The following PRKCQ variants were observed in gnomAD, a reference collection of about 807,000 sequenced individuals.
The protein encoded by PRKCQ is protein kinase C theta type.
Under a neutral mutation model 91.2 loss-of-function variants are expected in PRKCQ, and 41 were observed. The observed-to-expected ratio is 0.45, with a 90% CI of 0.35 to 0.58. The LOEUF (loss-of-function observed/expected upper bound fraction) is 0.58. Ranked by LOEUF, PRKCQ falls within the 20% of genes least tolerant of loss-of-function variation. PRKCQ has a pLI of 0.00. For missense variants in PRKCQ, 673 were observed against 896.5 expected (o/e 0.75, Z 3.18); for synonymous variants, 307 against 316.9 (o/e 0.97, Z 0.33).
chr10:6,474,504 A>G (rs889342383), intron 12 of PRKCQ, among the ~76,000 whole-genome samples: 2 of 152,250 alleles, frequency 1.3e-5, no homozygotes, highest in African/African-American at 4.8e-5. Context: ...AAGAAATAGC[A>G]TCCTTACTGT....
At chr10:6,482,197 C>A (rs1440104010) in intron 11 of PRKCQ, among the ~76,000 whole-genome samples, 1 of 152,116 alleles carries the variant, frequency 6.6e-6, no homozygotes, top group Non-Finnish European at 1.5e-5. Context: ...ATCCCCAGGA[C>A]CTTGGAAAGT....
chr10:6,566,499 T>A (rs1840841082), intron 1 of PRKCQ, among the ~76,000 whole-genome samples: 1 of 152,120 alleles, frequency 6.6e-6, no homozygotes, highest in African/African-American at 2.4e-5. Context: ...TGTCTCCCAA[T>A]TCCCACTTCT....
chr10:6,527,308 A>G (rs1043725517), intron 1 of PRKCQ, among the ~76,000 whole-genome samples: 1 of 152,200 alleles, frequency 6.6e-6, no homozygotes, highest in African/African-American at 2.4e-5. Context: ...TTTGAGGTCT[A>G]TGTCATATAA....
chr10:6,513,684 A>G (rs1414956263), intron 2 of PRKCQ, among the ~76,000 whole-genome samples: 1 of 152,228 alleles, frequency 6.6e-6, no homozygotes, highest in East Asian at 1.9e-4. Flanking sequence ...GATGATTCAG[A>G]CAGTCTCTCT....
intron 1 of PRKCQ, among the ~76,000 whole-genome samples, chr10:6,562,871 A>G (rs1031858906): frequency 6.6e-6 from 1 of 152,220 alleles, no homozygotes; most frequent in Non-Finnish European, 1.5e-5. Flanking sequence ...TTACTAGTAG[A>G]CAGAAAAAGC....
intron 15 of PRKCQ, among the ~76,000 whole-genome samples, chr10:6,443,391 A>G (rs1834075515): frequency 6.6e-6 from 1 of 152,234 alleles, no homozygotes; most frequent in African/African-American, 2.4e-5. Flanking sequence ...TTCATTCACA[A>G]TAGCCAAGAT....
At chr10:6,438,865 G>C in intron 16 of PRKCQ, among the ~76,000 whole-genome samples, 1 of 152,312 alleles carries the variant, frequency 6.6e-6, no homozygotes, top group African/African-American at 2.4e-5. Flanking sequence ...TTCAAAGGGC[G>C]AGGGTTCCAG....
rs1356111657 is a variant in PRKCQ at position 6,539,577 on chromosome 10, C to T, written c.-9-24433G>A. ...AAGCTCAGGGCTCCCACTCATTCTA[C>T]ATGATGGTGAGTTGTAATTATTTCA... is the stretch of plus-strand genomic sequence containing the variant. On this transcript the variant is annotated intron_variant, in intron 1 of 17. Transcript: ENST00000263125. 3.3e-5 allele frequency among the ~76,000 whole-genome samples: 5 copies of T among 152,074 alleles called. 1 individual carries two copies. The highest frequency in any genetic ancestry group is 7.2e-5 in the African/African-American group (3 of 41,488).
the PRKCQ span, among the ~76,000 whole-genome samples, chr10:6,417,386 C>A: frequency 3.9e-5 from 6 of 152,014 alleles, no homozygotes; most frequent in South Asian, 2.1e-4. Flanking sequence ...AAAACCAAAC[C>A]AAAAACAAAA....
chr10:6,530,173 G>T (rs985667940), intron 1 of PRKCQ, among the ~76,000 whole-genome samples: 1 of 152,098 alleles, frequency 6.6e-6, no homozygotes, highest in African/African-American at 2.4e-5. Context: ...CCTAGGGCGC[G>T]GTCAGAGAAG....
chr10:6,426,103 T>C (rs1564283379), downstream of PRKCQ, among the ~76,000 whole-genome samples: 5 of 152,160 alleles, frequency 3.3e-5, no homozygotes. Flanking sequence ...TCACTGACCT[T>C]TTAACTTTGC....
intron 1 of PRKCQ, among the ~76,000 whole-genome samples, chr10:6,531,816 G>GT (rs1053469640): frequency 8.6e-5 from 13 of 151,868 alleles, no homozygotes; most frequent in South Asian, 2.1e-4. Flanking sequence ...TTGTTTTTTT[G>GT]TTTTTTTCAT....
intron 15 of PRKCQ, among the ~76,000 whole-genome samples, chr10:6,448,034 T>C (rs1834421097): frequency 6.6e-6 from 1 of 151,826 alleles, no homozygotes; most frequent in East Asian, 1.9e-4. Flanking sequence ...CGACCAGGGG[T>C]GGGATTTTTC....
chr10:6,557,809 A>G (rs1431608046), intron 1 of PRKCQ, among the ~76,000 whole-genome samples: 1 of 152,126 alleles, frequency 6.6e-6, no homozygotes, highest in African/African-American at 2.4e-5. Flanking sequence ...TCCTGTCTTG[A>G]TCAATGGAAT....
At chr10:6,414,307 A>G in the PRKCQ span, among the ~76,000 whole-genome samples, 1 of 152,226 alleles carries the variant, frequency 6.6e-6, no homozygotes, top group African/African-American at 2.4e-5. Context: ...CAAGATCTGA[A>G]AGTACCAATT....
At chr10:6,502,007 A>G (rs559127887) in intron 4 of PRKCQ, among the ~76,000 whole-genome samples, 1 of 152,296 alleles carries the variant, frequency 6.6e-6, no homozygotes, top group Admixed American at 6.5e-5. Flanking sequence ...GGAGATTTCT[A>G]AGTGCCAAGG....
intron 4 of PRKCQ, among the ~76,000 whole-genome samples, chr10:6,505,882 G>A (rs1290505269): frequency 6.6e-6 from 1 of 152,072 alleles, no homozygotes; most frequent in East Asian, 1.9e-4. Context: ...CTGAGCTCAA[G>A]TGATCTGCCC....
chr10:6,527,896 T>C (rs1839255839), intron 1 of PRKCQ, among the ~76,000 whole-genome samples: 2 of 152,196 alleles, frequency 1.3e-5, no homozygotes, highest in Non-Finnish European at 2.9e-5. Flanking sequence ...AGTTCTGTTT[T>C]AGGAACTCAA....
At chr10:6,493,845 C>T (rs1414717736) in intron 7 of PRKCQ, among the ~76,000 whole-genome samples, 1 of 152,168 alleles carries the variant, frequency 6.6e-6, no homozygotes, top group African/African-American at 2.4e-5. Context: ...CCGGTTAGCA[C>T]AAGTTTATCT....
Sources: allele counts gnomAD v4.1 joint callset (sites outside exome capture counted in the v4.1 genomes callset), GRCh38; gene constraint gnomAD v4.1.1; transcripts MANE v1.5; gene names NCBI Gene and HGNC (gene_info 2026-07-23, HGNC 2026-07-21).